The following DOT1L variants were observed in gnomAD, a reference collection of about 807,000 sequenced individuals.
DOT1L encodes the protein histone-lysine N-methyltransferase, H3 lysine-79 specific.
Under a neutral mutation model 153.3 loss-of-function variants are expected in DOT1L, and 33 were observed. The ratio of observed to expected loss-of-function variants is 0.22; its 90% CI spans 0.16 to 0.29. The LOEUF (loss-of-function observed/expected upper bound fraction) is 0.29. DOT1L is among the 10% of genes least tolerant of loss of function. The probability of loss-of-function intolerance (pLI) is 1.00; values close to 1 mark genes in which losing one functional copy is unlikely to be tolerated. For synonymous variants in DOT1L, 1,135 were observed against 965.1 expected, an observed-to-expected ratio of 1.18 and a Z score of -3.26; for missense variants, 1,847 against 2,119.9, an observed-to-expected ratio of 0.87 and a Z score of 2.53.
Position 2,181,844 on chromosome 19 carries a change from G to A in DOT1L, c.125+1088G>A, listed in dbSNP as rs1027967752. Among the ~76,000 whole-genome samples, 12 of 152,200 alleles carry A rather than the reference G, an allele frequency of 7.9e-5. 1 individual carries two copies. Among genetic ancestry groups the A allele is most frequent in the South Asian group, 4.1e-4 (2 of 4,820 alleles). ...GCGGCCAGCCGCCTCTCTCTGCCTG[G>A]GTTTCTCTTGTTGCAGCTGGGGGCC... On this transcript the variant is annotated intron_variant, in intron 2 of 27. Transcript: ENST00000398665.
intron 3 of DOT1L, among the ~76,000 whole-genome samples, chr19:2,188,034 C>T (rs573260692): frequency 6.6e-6 from 1 of 152,182 alleles, no homozygotes; most frequent in African/African-American, 2.4e-5. Flanking sequence ...CTCCGGCCCG[C>T]ATGGTGCCTG....
In DOT1L at chr19:2,193,671, G is replaced by T; in HGVS notation, c.494-18G>T. On this transcript the variant is annotated intron_variant, in intron 5 of 27. Transcript: ENST00000398665. This position sits in a 1 kb window ranked among gnomAD's most constrained non-coding sequence, Gnocchi z 5.9. ...ATCTGAGCGCTGTGTGGTATCTGAT[G>T]GATCTCTCTGATCATAGGTGTGGGC... The T allele has an allele frequency of 6.2e-7, 1 of 1,612,716 alleles. No homozygotes were observed. Among genetic ancestry groups the T allele is most frequent in the Non-Finnish European group, 8.5e-7 (1 of 1,178,878 alleles).
At chr19:2,214,134 G>T (rs2023816592) in intron 18 of DOT1L, 148 bp downstream of exon 18, 2 of 1,325,424 alleles carry the variant, frequency 1.5e-6, no homozygotes, top group Admixed American at 2.4e-5. Context: ...GTGAAAGCTT[G>T]TCGAGCGCGT....
intron 15 of DOT1L, 88 bp from the exon 16 acceptor site, chr19:2,211,663 C>T (rs1385046006): frequency 1.7e-6 from 2 of 1,199,078 alleles, no homozygotes; most frequent in Non-Finnish European, 2.4e-6. Context: ...CTGCCGAGGC[C>T]TGGGACTCGT....
chr19:2,193,843 C>A lies in DOT1L; in HGVS notation c.588+60C>A. The A allele has an allele frequency of 6.5e-7, 1 of 1,549,596 alleles. No homozygotes were observed. The highest frequency in any genetic ancestry group is 1.7e-4 in the Middle Eastern group (1 of 5,882). On this transcript the variant is annotated intron_variant, in intron 6 of 27. Transcript: ENST00000398665. The surrounding 1 kb of genome is among the most constrained non-coding windows in gnomAD (Gnocchi z 5.9). ...CAGGGGACCATCAGAGAAAGTGACGCCCTGGGTGCCTGCACCCCACTGCTG... is the reference window on the plus strand; with the variant it reads ...CAGGGGACCATCAGAGAAAGTGACGACCTGGGTGCCTGCACCCCACTGCTG...
At chr19:2,184,382 G>T (rs2022395224) in intron 2 of DOT1L, among the ~76,000 whole-genome samples, 1 of 152,132 alleles carries the variant, frequency 6.6e-6, no homozygotes, top group Admixed American at 6.5e-5. Flanking sequence ...GTCTTTCAGT[G>T]TGGAAGGGTC....
rs1272677328 is a variant in DOT1L, at chr19:2,164,043, GC to G, written c.-141del. On this transcript the variant is annotated 5_prime_UTR_variant, in exon 1 of 28. Transcript: ENST00000398665. ...GCCGGACCGGAGCGCGGCGGCGGCG[GC>G]GGCGGCGGCCGAGGCCGAGGCCAGG... 2.4e-6 allele frequency: 1 copy of G among 423,750 alleles called. No individual in the cohort carries two copies. Among genetic ancestry groups the G allele is most frequent in the Non-Finnish European group, 3.3e-6 (1 of 302,460 alleles). 26.2% of individuals were successfully genotyped at this position (423,750 alleles called of 1,614,324 possible). A position where few individuals can be genotyped will look rare whatever the true frequency, so the allele number is the denominator to read the frequency against.
Position 2,193,968 on chromosome 19 carries a change from C to A in DOT1L, c.588+185C>A, listed in dbSNP as rs1047424322. 2.5e-4 allele frequency among the ~76,000 whole-genome samples: 38 copies of A among 152,230 alleles called. No individual in the cohort carries two copies. Among genetic ancestry groups the A allele is most frequent in the Non-Finnish European group, 5.0e-4 (34 of 67,988 alleles). On this transcript the variant is annotated intron_variant, in intron 6 of 27. Transcript: ENST00000398665. The surrounding 1 kb of genome is among the most constrained non-coding windows in gnomAD (Gnocchi z 5.9). Reference sequence around the variant, plus strand: ...TAGGGTGCCCGATCGCCCTCACGGCCCATTACAGGCCGGCCCTCCAGGCCT... The same window carrying A: ...TAGGGTGCCCGATCGCCCTCACGGCACATTACAGGCCGGCCCTCCAGGCCT...
Position 2,207,002 on chromosome 19 carries a change from A to G in DOT1L, c.856+205A>G, listed in dbSNP as rs763429734. Among the ~76,000 whole-genome samples the G allele has an allele frequency of 6.6e-6, 1 of 152,168 alleles. No homozygotes were observed. Among genetic ancestry groups the G allele is most frequent in the South Asian group, 2.1e-4 (1 of 4,832 alleles). On this transcript the variant is annotated intron_variant, in intron 10 of 27. Transcript: ENST00000398665. This position sits in a 1 kb window ranked among gnomAD's most constrained non-coding sequence, Gnocchi z 4.5. Reference sequence around the variant, plus strand: ...GCCAGGAGCACCCCTGGTCGCGACAACCACACACGTCCCCATAGAGCACTG... The same window carrying G: ...GCCAGGAGCACCCCTGGTCGCGACAGCCACACACGTCCCCATAGAGCACTG...
rs1432124744 is a variant in DOT1L at position 2,170,617 on chromosome 19, C to CACTTTCCAT, written c.81+6353_81+6361dup. 2.6e-5 allele frequency among the ~76,000 whole-genome samples: 4 copies of CACTTTCCAT among 152,308 alleles called. No homozygotes were observed. In the East Asian group the frequency reaches 7.7e-4, roughly 29 times the overall value. On this transcript the variant is annotated intron_variant, in intron 1 of 27. Coordinates refer to ENST00000398665, the MANE Select transcript of DOT1L (RefSeq NM_032482.3). ...AAGGGCTCAGTCCCCAAGACTCCCC[C>CACTTTCCAT]ACTTTCCATGCCAGTTAGAGGCCTC...
Position 2,214,589 on chromosome 19 carries a change from A to T in DOT1L, c.1916A>T (p.Glu639Val). ...TCGGAGAAGCAGAGGCACTGCCTGG[A>T]GCTGCAGGTGGGCTGCGCGCGAGGC... Reference protein sequence around the residue: ...QISEKQRHCLELQISIVELEK... With the variant: ...QISEKQRHCLVLQISIVELEK... The change falls in exon 19 of 28, where the codon GAG becomes GTG. Residue 639 changes from glutamate to valine, a missense_variant. Glu to Val is a moderately radical substitution (Grantham distance 121). This residue lies in a region of DOT1L where 156 missense variants were observed against 235.7 expected (regional missense o/e 0.66). Transcript: ENST00000398665. 6.2e-7 allele frequency: 1 copy of T among 1,612,718 alleles called. No homozygotes were observed. The highest frequency in any genetic ancestry group is 8.5e-7 in the Non-Finnish European group (1 of 1,179,746).
At chr19:2,186,129 G>A (rs1003433210) in intron 3 of DOT1L, among the ~76,000 whole-genome samples, 200 bp downstream of exon 3, 2 of 152,238 alleles carry the variant, frequency 1.3e-5, no homozygotes, top group Admixed American at 6.5e-5. Flanking sequence ...GTCAGAGGCC[G>A]GACAGAATTG....
Position 2,211,784 on chromosome 19 carries a change from C to T in DOT1L, c.1499C>T (p.Ala500Val). The T allele has an allele frequency of 6.4e-7, 1 of 1,572,264 alleles. No individual in the cohort carries two copies. The highest frequency in any genetic ancestry group is 8.6e-7 in the Non-Finnish European group (1 of 1,158,264). Residue 500 changes from alanine to valine, a missense_variant, in exon 16 of 28, where the codon GCA (alanine) becomes GTA (valine). Around this residue, in one of 8 missense-constraint regions of DOT1L, gnomAD observed 156 missense variants for 235.7 expected, o/e 0.66. Transcript: ENST00000398665. The part of the protein sequence containing the change: ...SFKIQYLQFL[A>V]YTKTPQYKAS... ...AAGATCCAGTACCTGCAGTTCCTGG[C>T]ATACACAAAGACCCCCCAGTACAAG...
intron 22 of DOT1L, among the ~76,000 whole-genome samples, chr19:2,218,433 G>A (rs974554797): frequency 5.3e-5 from 8 of 151,768 alleles, no homozygotes; most frequent in East Asian, 3.9e-4. Context: ...TCACTCTGTC[G>A]CCCAGGCTGG....
In DOT1L at chr19:2,193,966, G is replaced by GC. The variant is rs2022907046; in HGVS notation, c.588+186dup. On this transcript the variant is annotated intron_variant, in intron 6 of 27. Transcript: ENST00000398665. The surrounding 1 kb of genome is among the most constrained non-coding windows in gnomAD (Gnocchi z 5.9). ...AATAGGGTGCCCGATCGCCCTCACG[G>GC]CCCATTACAGGCCGGCCCTCCAGGC... Among the ~76,000 whole-genome samples, 1 of 152,148 alleles carries GC rather than the reference G, an allele frequency of 6.6e-6. No individual in the cohort carries two copies. The highest frequency in any genetic ancestry group is 2.4e-5 in the African/African-American group (1 of 41,448).
chr19:2,173,471 C>T (rs752702314), intron 1 of DOT1L, among the ~76,000 whole-genome samples: 1 of 152,250 alleles, frequency 6.6e-6, no homozygotes, highest in Admixed American at 6.5e-5. Context: ...CACAGCGGGC[C>T]TCCCTGACAG....
chr19:2,227,975 G>T (rs1433804703), intron 27 of DOT1L: 1 of 1,247,262 alleles, frequency 8.0e-7, no homozygotes, highest in African/African-American at 1.6e-5. Context: ...CCGCGGGGCC[G>T]CCCGTCCTCC....
chr19:2,227,577 C>T (rs998534536), intron 27 of DOT1L: 14 of 815,028 alleles, frequency 1.7e-5, no homozygotes, highest in Admixed American at 3.6e-5. Flanking sequence ...GGGCGGAGGG[C>T]GGGCCACCAC....
chr19:2,189,633 G>A, intron 3 of DOT1L, 99 bp from the exon 4 acceptor site: 4 of 1,377,516 alleles, frequency 2.9e-6, no homozygotes, highest in Non-Finnish European at 4.0e-6. Flanking sequence ...TCCAGGCAGG[G>A]ACCACACCTT....
Sources: gnomAD v4.1 joint callset for allele counts (sites outside exome capture counted in the v4.1 genomes callset) on GRCh38, gnomAD v4.1.1 for gene constraint, gnomAD v4.1.1 regional missense constraint, Gnocchi (gnomAD v3.1) non-coding constraint, MANE v1.5 for transcripts, NCBI Gene and HGNC (gene_info 2026-07-23, HGNC 2026-07-21) for gene names.